NSRP1: variants seen among roughly 807,000 people sequenced by gnomAD.
The protein encoded by NSRP1 is nuclear speckle splicing regulatory protein 1.
NSRP1 carries 24 observed loss-of-function variants against 54.7 expected under a neutral mutation model. The ratio of observed to expected loss-of-function variants is 0.44; its 90% CI spans 0.32 to 0.62. The LOEUF is 0.62. Among genes scored for constraint, NSRP1 ranks in the 20% least tolerant of loss-of-function variants. NSRP1 has a pLI of 0.06. For synonymous variants in NSRP1, 210 were observed against 213.8 expected (o/e 0.98, Z 0.15); for missense variants, 596 against 651.2 (o/e 0.92, Z 0.92).
intron 2 of NSRP1, among the ~76,000 whole-genome samples, chr17:30,137,791 A>G (rs967200711): frequency 4.6e-5 from 7 of 152,182 alleles, no homozygotes; most frequent in Non-Finnish European, 4.4e-5. Flanking sequence ...AACTGTACTT[A>G]GTCTTGGTGT....
chr17:30,153,959 A>G (rs936313412), intron 2 of NSRP1, among the ~76,000 whole-genome samples: 2 of 152,212 alleles, frequency 1.3e-5, no homozygotes, highest in African/African-American at 2.4e-5. Flanking sequence ...AGAAAGTTGT[A>G]TAGCCCTGCT....
At chr17:30,149,080 A>G (rs1457087959) in intron 2 of NSRP1, among the ~76,000 whole-genome samples, 2 of 152,196 alleles carry the variant, frequency 1.3e-5, no homozygotes, top group Admixed American at 6.5e-5. Context: ...TTTCAGTGTT[A>G]TACATTTATA....
intron 2 of NSRP1, among the ~76,000 whole-genome samples, chr17:30,148,890 T>G (rs2071881130): frequency 6.6e-6 from 1 of 152,228 alleles, no homozygotes; most frequent in Admixed American, 6.5e-5. Flanking sequence ...CAAAAGTTTG[T>G]CTATCTTATA....
intron 2 of NSRP1, among the ~76,000 whole-genome samples, chr17:30,165,200 A>G (rs1351340184): frequency 2.0e-5 from 3 of 152,194 alleles, no homozygotes; most frequent in Non-Finnish European, 4.4e-5. Flanking sequence ...TGGCTTATAA[A>G]GGAGTAGTGC....
intron 2 of NSRP1, among the ~76,000 whole-genome samples, chr17:30,123,724 A>T (rs866307418): frequency 1.8e-4 from 26 of 147,796 alleles, no homozygotes; most frequent in Admixed American, 3.4e-4. Context: ...ACATTTTGAA[A>T]TTTTTTTTTT....
intron 2 of NSRP1, among the ~76,000 whole-genome samples, chr17:30,152,477 T>G (rs971426711): frequency 2.6e-5 from 4 of 150,944 alleles, no homozygotes; most frequent in African/African-American, 9.7e-5. Context: ...CTACACAGAT[T>G]TTGTCATGTG....
At chr17:30,118,901 A>C (rs1211082659) in intron 2 of NSRP1, among the ~76,000 whole-genome samples, 1 of 151,892 alleles carries the variant, frequency 6.6e-6, no homozygotes, top group Middle Eastern at 3.2e-3. Flanking sequence ...GGCACCTGCC[A>C]TCATGACCAG....
intron 2 of NSRP1, among the ~76,000 whole-genome samples, chr17:30,160,903 T>C (rs1904488984): frequency 6.6e-6 from 1 of 152,230 alleles, no homozygotes. Flanking sequence ...TGAGAGAAGC[T>C]AAAATTTCAG....
At chr17:30,126,679 CCCAGCCTGAGCAATCTTTTAG>C (rs1464773789) in intron 2 of NSRP1, among the ~76,000 whole-genome samples, 1 of 152,128 alleles carries the variant, frequency 6.6e-6, no homozygotes, top group Non-Finnish European at 1.5e-5. Flanking sequence ...ACCTCCGCTT[CCCAGCCTGAGCAATCTTTTAG>C]CCTCCGCCTC....
At chr17:30,173,951 G>A (rs1905041858) in intron 3 of NSRP1, among the ~76,000 whole-genome samples, 1 of 152,166 alleles carries the variant, frequency 6.6e-6, no homozygotes, top group Non-Finnish European at 1.5e-5. Context: ...AGCAGCCTCA[G>A]AATGATTTAA....
In NSRP1 at chr17:30,142,494, TA is replaced by T. The variant is rs775333722; in HGVS notation, c.114+24336del. Among the ~76,000 whole-genome samples, 599 of 135,440 alleles carry T rather than the reference TA, an allele frequency of 4.4e-3. 2 individuals are homozygous for T. Among genetic ancestry groups the T allele is most frequent in the Middle Eastern group, 0.011 (3 of 272 alleles). 88.9% of individuals were successfully genotyped at this position (135,440 alleles called of 152,430 possible). A position where few individuals can be genotyped will look rare whatever the true frequency, so the allele number is the denominator to read the frequency against. On this transcript the variant is annotated intron_variant, in intron 2 of 6. Transcript: ENST00000247026. ...GCATGTGCCACCACGCCTGGCTAAT[TA>T]AAAAAAAAAAAAAAGTCGTAGAAAT...
intron 2 of NSRP1, among the ~76,000 whole-genome samples, chr17:30,170,607 G>T (rs1234272437): frequency 6.6e-6 from 1 of 152,110 alleles, no homozygotes; most frequent in Non-Finnish European, 1.5e-5. Context: ...GTGGCAAATG[G>T]CAAGATCTCC....
In NSRP1 at chr17:30,167,664, C is replaced by T. The variant is rs568393478; in HGVS notation, c.115-4878C>T. 7.7e-4 allele frequency among the ~76,000 whole-genome samples: 116 copies of T among 151,484 alleles called. No homozygotes were observed. In the Middle Eastern group the frequency reaches 0.01, roughly 13 times the overall value. ...TTTTAATTGTAGTAGTTTTTTTTCT[C>T]ACACATAAATATATGTATTTAAGAT... On this transcript the variant is annotated intron_variant, in intron 2 of 6. Coordinates refer to ENST00000247026, the MANE Select transcript of NSRP1 (RefSeq NM_032141.4).
intron 2 of NSRP1, among the ~76,000 whole-genome samples, chr17:30,136,182 A>C (rs922545564): frequency 7.9e-5 from 12 of 152,194 alleles, no homozygotes; most frequent in Non-Finnish European, 1.6e-4. Flanking sequence ...AACAAAAAAC[A>C]AAAAGAGTAT....
At chr17:30,122,348 GTTTCATATATATATA>G (rs1355092070) in intron 2 of NSRP1, 67 of 42,898 alleles carry the variant, frequency 1.6e-3, no homozygotes, top group African/African-American at 5.3e-3. Context: ...GATAACTCTG[GTTTCATATATATATA>G]TATATATATA....
chr17:30,141,786 T>C (rs1282190343), intron 2 of NSRP1, among the ~76,000 whole-genome samples: 1 of 152,282 alleles, frequency 6.6e-6, no homozygotes, highest in East Asian at 1.9e-4. Context: ...GCGGATTGAT[T>C]GAGCTCAGGA....
Position 30,116,832 on chromosome 17 carries a change from C to G in NSRP1, c.-12C>G. 6.4e-7 allele frequency: 1 copy of G among 1,573,220 alleles called. No individual in the cohort carries two copies. Among genetic ancestry groups the G allele is most frequent in the Non-Finnish European group, 8.6e-7 (1 of 1,158,876 alleles). ...GGAGGCGTCGGCCACGTTCAGCGGA[C>G]ACGGGAGCAAGATGGCGATTCCGGG... On this transcript the variant is annotated 5_prime_UTR_variant, in exon 1 of 7. Transcript: ENST00000247026.
Position 30,154,023 on chromosome 17 carries a change from A to G in NSRP1, c.115-18519A>G, listed in dbSNP as rs551620963. The stretch of plus-strand genomic sequence containing the variant: ...GTTTTTTGTCTTATTTTAAAAGATA[A>G]TATTAGGGCCAGGTGTGGTGGCTAT... On this transcript the variant is annotated intron_variant, in intron 2 of 6. Transcript: ENST00000247026. 5.3e-5 allele frequency among the ~76,000 whole-genome samples: 8 copies of G among 152,198 alleles called. No homozygotes were observed. The South Asian group carries it at 1.7e-3, about 32-fold the overall frequency.
chr17:30,173,976 A>G (rs963442384), intron 3 of NSRP1, among the ~76,000 whole-genome samples: 3 of 152,248 alleles, frequency 2.0e-5, no homozygotes, highest in Admixed American at 6.5e-5. Flanking sequence ...CACATAAAAC[A>G]TAAAAAACAG....
Sources: allele counts gnomAD v4.1 joint callset (sites outside exome capture counted in the v4.1 genomes callset), GRCh38; gene constraint gnomAD v4.1.1; transcripts MANE v1.5; gene names NCBI Gene and HGNC (gene_info 2026-07-23, HGNC 2026-07-21).